CACNA2D1: variants seen among roughly 807,000 people sequenced by gnomAD.
CACNA2D1 encodes voltage-dependent calcium channel subunit alpha-2/delta-1.
Under a neutral mutation model 171.5 loss-of-function variants are expected in CACNA2D1, and 53 were observed. The ratio of observed to expected loss-of-function variants is 0.31; its 90% CI spans 0.25 to 0.39. The LOEUF (loss-of-function observed/expected upper bound fraction) is 0.39. Ranked by LOEUF, CACNA2D1 falls within the 10% of genes least tolerant of loss-of-function variation. The pLI is 1.00. For synonymous variants in CACNA2D1, 442 were observed against 443.1 expected, an observed-to-expected ratio of 1.00 and a Z score of 0.03; for missense variants, 903 against 1,299.8, an observed-to-expected ratio of 0.69 and a Z score of 4.69.
intron 3 of CACNA2D1, among the ~76,000 whole-genome samples, chr7:82,281,300 T>G (rs547608229): frequency 6.6e-6 from 1 of 152,298 alleles, no homozygotes; most frequent in South Asian, 2.1e-4. Context: ...GAATCTTGGG[T>G]TTTTATAAGA....
At chr7:82,333,492 A>AG (rs36039345) in intron 3 of CACNA2D1, among the ~76,000 whole-genome samples, 113,657 of 151,904 alleles carry the variant, frequency 0.75, 43,316 homozygotes, top group African/African-American at 0.91. Flanking sequence ...ACACAGCGAC[A>AG]GCAAGAGAAC....
intron 32 of CACNA2D1, 24 bp from the exon 33 acceptor site, chr7:81,964,383 G>C (rs1313283588): frequency 6.2e-7 from 1 of 1,604,358 alleles, no homozygotes; most frequent in East Asian, 2.2e-5. Context: ...AAATCATAAA[G>C]CAACGTGCAC....
intron 12 of CACNA2D1, among the ~76,000 whole-genome samples, chr7:82,018,383 T>C (rs1800767707): frequency 6.6e-6 from 1 of 152,184 alleles, no homozygotes; most frequent in African/African-American, 2.4e-5. Context: ...TTATCCAACA[T>C]ATCAGTAAGT....
In CACNA2D1 at chr7:82,014,054, AT is replaced by A. The variant is rs1245569200; in HGVS notation, c.1222+346del. Among the ~76,000 whole-genome samples the A allele has an allele frequency of 5.3e-5, 8 of 152,200 alleles. No individual in the cohort carries two copies. The South Asian group carries it at 6.2e-4, about 12-fold the overall frequency. ...GTAATTAAACCACTCAGAGAAAAAAATATGTATGTCATACTCTCATATTTAA... is the reference window on the plus strand; with the variant it reads ...GTAATTAAACCACTCAGAGAAAAAAAATGTATGTCATACTCTCATATTTAA... On this transcript the variant is annotated intron_variant, in intron 13 of 38. Coordinates refer to ENST00000356860, the MANE Select transcript of CACNA2D1 (RefSeq NM_000722.4).
At chr7:82,208,340 A>G (rs1026073776) in intron 3 of CACNA2D1, among the ~76,000 whole-genome samples, 1 of 152,166 alleles carries the variant, frequency 6.6e-6, no homozygotes, top group African/African-American at 2.4e-5. Flanking sequence ...GATATCATTA[A>G]TAGTTTGTCA....
At chr7:82,285,269 A>G (rs1475137498) in intron 3 of CACNA2D1, among the ~76,000 whole-genome samples, 3 of 150,486 alleles carry the variant, frequency 2.0e-5, no homozygotes, top group Admixed American at 2.0e-4. Context: ...GCCCAATAAA[A>G]CCTGTTTTGT....
intron 12 of CACNA2D1, among the ~76,000 whole-genome samples, chr7:82,032,399 A>G (rs1802814032): frequency 6.6e-6 from 1 of 151,808 alleles, no homozygotes. Context: ...TTGAGTATTT[A>G]GGAAATTTGA....
intron 10 of CACNA2D1, among the ~76,000 whole-genome samples, chr7:82,043,028 C>T (rs1313971142): frequency 3.9e-5 from 6 of 152,102 alleles, no homozygotes; most frequent in Non-Finnish European, 5.9e-5. Context: ...TAAATATTTA[C>T]TGAATAAATG....
At chr7:82,146,722 C>G (rs1332438780) in intron 4 of CACNA2D1, among the ~76,000 whole-genome samples, 1 of 151,082 alleles carries the variant, frequency 6.6e-6, no homozygotes, top group Admixed American at 6.6e-5. Flanking sequence ...CGCCTTGACT[C>G]AGGCCTGTAA....
At position 82,372,024 on chromosome 7, in the gene CACNA2D1, A is replaced by G. The variant is rs147588421; in HGVS notation, c.96-22375T>C. The stretch of plus-strand genomic sequence containing the variant: ...ATGTTTAACATGCAATTTCTTTAAA[A>G]GACTATAGGCCTAGTATGTTGTACA... On this transcript the variant is annotated intron_variant, in intron 1 of 38. Transcript: ENST00000356860. Among the ~76,000 whole-genome samples the G allele has an allele frequency of 9.8e-5, 15 of 152,330 alleles. No homozygotes were observed. In the East Asian group the frequency reaches 2.9e-3, roughly 29 times the overall value.
chr7:82,207,315 C>G (rs1021645750), intron 3 of CACNA2D1, among the ~76,000 whole-genome samples: 1 of 152,100 alleles, frequency 6.6e-6, no homozygotes, highest in Admixed American at 6.6e-5. Flanking sequence ...AGAAAAATTC[C>G]CTCTCTATGC....
chr7:82,208,972 A>C (rs1233802754), intron 3 of CACNA2D1, among the ~76,000 whole-genome samples: 2 of 152,166 alleles, frequency 1.3e-5, no homozygotes, highest in Non-Finnish European at 2.9e-5. Flanking sequence ...AATTGAAGTT[A>C]ATTGATTTTA....
intron 1 of CACNA2D1, among the ~76,000 whole-genome samples, chr7:82,372,275 T>C (rs945108778): frequency 1.3e-5 from 2 of 152,176 alleles, no homozygotes; most frequent in Non-Finnish European, 2.9e-5. Flanking sequence ...CAAGCTTAAT[T>C]AACTTACATA....
intron 38 of CACNA2D1, among the ~76,000 whole-genome samples, chr7:81,953,288 C>A (rs1306201716): frequency 6.6e-6 from 1 of 152,060 alleles, no homozygotes; most frequent in Admixed American, 6.6e-5. Flanking sequence ...TTCTTTCACT[C>A]CCTGCTTGAC....
At position 82,044,272 on chromosome 7, in the gene CACNA2D1, T is replaced by A. The variant is rs111689965; in HGVS notation, c.880-6037A>T. Among the ~76,000 whole-genome samples the A allele has an allele frequency of 7.2e-5, 11 of 152,296 alleles. 1 individual carries two copies. Among genetic ancestry groups the A allele is most frequent in the African/African-American group, 2.6e-4 (11 of 41,560 alleles). ...TCTAAATGTTTAAAGGCAGGCTTTCTTTAGGGTACTTTGTACATTGTTTAG... is the reference window on the plus strand; with the variant it reads ...TCTAAATGTTTAAAGGCAGGCTTTCATTAGGGTACTTTGTACATTGTTTAG... On this transcript the variant is annotated intron_variant, in intron 10 of 38. Transcript: ENST00000356860.
intron 3 of CACNA2D1, among the ~76,000 whole-genome samples, chr7:82,260,916 T>C (rs1310884490): frequency 9.2e-5 from 14 of 152,072 alleles, no homozygotes; most frequent in Admixed American, 9.2e-4. Flanking sequence ...AGGAGATATA[T>C]ATATAAAATA....
At chr7:82,262,224 G>A (rs1036378029) in intron 3 of CACNA2D1, among the ~76,000 whole-genome samples, 21 of 152,108 alleles carry the variant, frequency 1.4e-4, no homozygotes, top group Non-Finnish European at 2.6e-4. Context: ...CCAGCTACTC[G>A]GGAGGCTGAG....
At chr7:82,085,546 C>A (rs181678344) in intron 6 of CACNA2D1, among the ~76,000 whole-genome samples, 2 of 150,038 alleles carry the variant, frequency 1.3e-5, no homozygotes, top group East Asian at 4.0e-4. Context: ...GAAAAAAAGT[C>A]ATTGGGCATA....
chr7:82,167,119 T>G (rs1353988587), intron 4 of CACNA2D1, among the ~76,000 whole-genome samples: 3 of 152,086 alleles, frequency 2.0e-5, no homozygotes, highest in African/African-American at 7.2e-5. Flanking sequence ...ATCTTAGTGT[T>G]AAATTATTAA....
Sources: allele counts gnomAD v4.1 joint callset (sites outside exome capture counted in the v4.1 genomes callset), GRCh38; gene constraint gnomAD v4.1.1; transcripts MANE v1.5; gene names NCBI Gene and HGNC (gene_info 2026-07-23, HGNC 2026-07-21).